PTPN14: variants seen among roughly 807,000 people sequenced by gnomAD.
PTPN14 encodes the protein tyrosine-protein phosphatase non-receptor type 14.
In PTPN14, 53 loss-of-function variants were observed where a neutral mutation model predicts 126.8. The ratio of observed to expected loss-of-function variants is 0.42; its 90% CI spans 0.34 to 0.53. The LOEUF (loss-of-function observed/expected upper bound fraction) is 0.53. Ranked by LOEUF, PTPN14 falls within the 20% of genes least tolerant of loss-of-function variation. The pLI is 0.08. For synonymous variants in PTPN14, 630 were observed against 599.3 expected (o/e 1.05, Z -0.75); for missense variants, 1,257 against 1,552.9 (o/e 0.81, Z 3.20).
At chr1:214,386,117 C>T (rs963920289) in intron 12 of PTPN14, among the ~76,000 whole-genome samples, 11 of 151,818 alleles carry the variant, frequency 7.2e-5, no homozygotes, top group African/African-American at 2.7e-4. Flanking sequence ...ATATAAGTTC[C>T]ATCATTAATC....
intron 1 of PTPN14, among the ~76,000 whole-genome samples, chr1:214,481,333 C>G (rs1660980278): frequency 6.6e-6 from 1 of 151,364 alleles, no homozygotes; most frequent in South Asian, 2.1e-4. Context: ...ATGGTGAAAC[C>G]CCATCTCTAC....
chr1:214,533,843 CAA>C (rs200765209), intron 1 of PTPN14, among the ~76,000 whole-genome samples: 4 of 64,470 alleles, frequency 6.2e-5, no homozygotes, highest in South Asian at 4.4e-4. Flanking sequence ...TCTCAAAAAA[CAA>C]AAAAAAAAAA....
chr1:214,519,879 C>T (rs537369484), intron 1 of PTPN14, among the ~76,000 whole-genome samples: 1 of 151,526 alleles, frequency 6.6e-6, no homozygotes, highest in African/African-American at 2.4e-5. Context: ...AAAGTTCTGT[C>T]TCTACAAAAA....
At chr1:214,378,680 C>T (rs1158180189) in intron 13 of PTPN14, among the ~76,000 whole-genome samples, 4 of 152,066 alleles carry the variant, frequency 2.6e-5, no homozygotes, top group African/African-American at 9.7e-5. Context: ...GTGTGTCATC[C>T]CCAGAATTGA....
At chr1:214,391,802 A>G (rs1349935599) in intron 10 of PTPN14, among the ~76,000 whole-genome samples, 4 of 151,818 alleles carry the variant, frequency 2.6e-5, no homozygotes, top group African/African-American at 9.7e-5. Context: ...ATCCTTCCTA[A>G]TTTTTTGGTG....
chr1:214,361,808 G>A (rs983472812), intron 18 of PTPN14, among the ~76,000 whole-genome samples: 7 of 152,148 alleles, frequency 4.6e-5, no homozygotes, highest in African/African-American at 7.2e-5. Context: ...CAAAAGCACT[G>A]GGCCACAGGG....
At chr1:214,389,921 T>C (rs749802112) in intron 11 of PTPN14, among the ~76,000 whole-genome samples, 4 of 152,224 alleles carry the variant, frequency 2.6e-5, no homozygotes, top group Non-Finnish European at 5.9e-5. Context: ...ATGTGAGATA[T>C]TGTGCATAAT....
At position 214,532,595 on chromosome 1, in the gene PTPN14, C is replaced by T. The variant is rs1571652052; in HGVS notation, c.-155+18588G>A. The T allele has an allele frequency of 1.6e-5, 16 of 999,358 alleles. No individual in the cohort carries two copies. In the East Asian group the frequency reaches 3.3e-4, roughly 21 times the overall value. 61.9% of individuals were successfully genotyped at this position (999,358 alleles called of 1,614,324 possible). On this transcript the variant is annotated intron_variant, in intron 1 of 18. Transcript: ENST00000366956. ...TTCAAGATCATCGAGGACCTGAGGGCTCAGATCTTAGCAAATACTGTGGAC... is the reference window on the plus strand; with the variant it reads ...TTCAAGATCATCGAGGACCTGAGGGTTCAGATCTTAGCAAATACTGTGGAC...
intron 1 of PTPN14, among the ~76,000 whole-genome samples, chr1:214,541,117 A>G (rs768867849): frequency 1.3e-5 from 2 of 152,158 alleles, no homozygotes; most frequent in Non-Finnish European, 2.9e-5. Context: ...GATGGCAATG[A>G]TAATATAACT....
intron 1 of PTPN14, among the ~76,000 whole-genome samples, chr1:214,502,348 T>C (rs887442455): frequency 6.6e-6 from 1 of 152,168 alleles, no homozygotes; most frequent in Non-Finnish European, 1.5e-5. Flanking sequence ...CCAACTCTGT[T>C]CTTTACTAGC....
In PTPN14 at chr1:214,350,099, G is replaced by A. The variant is rs1393724146; in HGVS notation, c.*7823C>T. 2.0e-5 allele frequency: 3 copies of A among 152,220 alleles called. No homozygotes were observed. The highest frequency in any genetic ancestry group is 7.2e-5 in the African/African-American group (3 of 41,450). The allele number at this position is 152,220 out of a possible 1,614,324, so 9.4% of individuals were successfully genotyped here. On this transcript the variant is annotated 3_prime_UTR_variant, in exon 19 of 19. Transcript: ENST00000366956. ...ATAGCATTTGTGTTTCCCAGGAGGA[G>A]AAGGTTGGGGAAGAAAATGAAGATA...
chr1:214,394,779 ATC>A, intron 9 of PTPN14, 118 bp downstream of exon 9: 1 of 877,136 alleles, frequency 1.1e-6, no homozygotes, highest in African/African-American at 1.7e-5. Context: ...ATTAGAAAGC[ATC>A]TCTTCAAGGG....
At chr1:214,496,949 A>G (rs1330112660) in intron 1 of PTPN14, among the ~76,000 whole-genome samples, 1 of 151,836 alleles carries the variant, frequency 6.6e-6, no homozygotes, top group Non-Finnish European at 1.5e-5. Context: ...GAAAAAAAAC[A>G]TAAGAAAATA....
intron 1 of PTPN14, among the ~76,000 whole-genome samples, chr1:214,492,435 T>G (rs1354275326): frequency 6.6e-6 from 1 of 152,214 alleles, no homozygotes; most frequent in Non-Finnish European, 1.5e-5. Flanking sequence ...TAACACTGAT[T>G]TAATTTTAAT....
At chr1:214,502,598 AC>A (rs1310058531) in intron 1 of PTPN14, among the ~76,000 whole-genome samples, 1 of 152,006 alleles carries the variant, frequency 6.6e-6, no homozygotes, top group African/African-American at 2.4e-5. Flanking sequence ...GTATCAAGTA[AC>A]CCTCCCACCT....
intron 3 of PTPN14, among the ~76,000 whole-genome samples, chr1:214,448,867 T>C (rs1034560789): frequency 2.0e-5 from 3 of 152,138 alleles, no homozygotes; most frequent in Non-Finnish European, 4.4e-5. Context: ...TTGAGCCAAA[T>C]AGTCAAAGTT....
Position 214,351,518 on chromosome 1 carries a change from G to A in PTPN14, c.*6404C>T, listed in dbSNP as rs537441884. 6.6e-6 allele frequency: 1 copy of A among 152,200 alleles called. No homozygotes were observed. The highest frequency in any genetic ancestry group is 6.5e-5 in the Admixed American group (1 of 15,276). The allele number at this position is 152,200 out of a possible 1,614,324, so 9.4% of individuals were successfully genotyped here. A position where few individuals can be genotyped will look rare whatever the true frequency, so the allele number is the denominator to read the frequency against. ...TCTGCAGCACCTCTGAGATCACAGG[G>A]GAGAAGAATCAAGAAATCCAAGAGC... On this transcript the variant is annotated 3_prime_UTR_variant, in exon 19 of 19. Coordinates refer to ENST00000366956, the MANE Select transcript of PTPN14 (RefSeq NM_005401.5).
chr1:214,521,703 G>A (rs909432021), intron 1 of PTPN14, among the ~76,000 whole-genome samples: 13 of 150,146 alleles, frequency 8.7e-5, no homozygotes, highest in African/African-American at 2.7e-4. Context: ...CAACAAGAGC[G>A]AAGCTCCATC....
At chr1:214,459,182 T>C (rs1317894810) in intron 2 of PTPN14, among the ~76,000 whole-genome samples, 1 of 143,086 alleles carries the variant, frequency 7.0e-6, no homozygotes. Flanking sequence ...AGTCTCACTC[T>C]GTCACCCAGG....
Sources: gnomAD v4.1 joint callset for allele counts (sites outside exome capture counted in the v4.1 genomes callset) on GRCh38, gnomAD v4.1.1 for gene constraint, MANE v1.5 for transcripts, NCBI Gene and HGNC (gene_info 2026-07-23, HGNC 2026-07-21) for gene names.